Variants in NUP214 observed in about 807,000 individuals in gnomAD.
The protein encoded by NUP214 is nuclear pore complex protein Nup214.
NUP214 carries 79 observed loss-of-function variants against 196.2 expected under a neutral mutation model. The ratio of observed to expected loss-of-function variants is 0.40; its 90% CI spans 0.34 to 0.49. The LOEUF (loss-of-function observed/expected upper bound fraction) is 0.49. Among genes scored for constraint, NUP214 ranks in the 20% least tolerant of loss-of-function variants. The probability of loss-of-function intolerance (pLI) is 0.58; values close to 1 mark genes in which losing one functional copy is unlikely to be tolerated. For missense variants in NUP214, 2,468 were observed against 2,539.0 expected, an observed-to-expected ratio of 0.97 and a Z score of 0.60; for synonymous variants, 1,020 against 990.5, an observed-to-expected ratio of 1.03 and a Z score of -0.56.
chr9:131,174,511 C>T (rs942283273), intron 22 of NUP214, among the ~76,000 whole-genome samples, 193 bp downstream of exon 22: 8 of 130,968 alleles, frequency 6.1e-5, no homozygotes, highest in African/African-American at 1.1e-4. Flanking sequence ...TGTAATGGCG[C>T]GATCTAGGCT....
At chr9:131,194,982 C>T (rs1833733552) in intron 27 of NUP214, among the ~76,000 whole-genome samples, 1 of 152,222 alleles carries the variant, frequency 6.6e-6, no homozygotes, top group Non-Finnish European at 1.5e-5. Flanking sequence ...CTACAGAAAG[C>T]CCAGCCATCC....
At chr9:131,187,173 A>G in intron 24 of NUP214, 116 bp from the exon 25 acceptor site, 1 of 803,248 alleles carries the variant, frequency 1.2e-6, no homozygotes, top group South Asian at 1.6e-5. Context: ...GGTCCCATGC[A>G]TCTGTATCCT....
At chr9:131,168,458 A>G (rs749536740) in intron 21 of NUP214, among the ~76,000 whole-genome samples, 1 of 152,206 alleles carries the variant, frequency 6.6e-6, no homozygotes, top group Non-Finnish European at 1.5e-5. Context: ...ACCACATTTC[A>G]GTTCTAGAAC....
At chr9:131,229,279 CG>C (rs1407683234) in intron 33 of NUP214, 2 of 164,862 alleles carry the variant, frequency 1.2e-5, no homozygotes, top group African/African-American at 2.4e-5. Flanking sequence ...AGAGGGTTGG[CG>C]TGCTGCTTCT....
At chr9:131,153,984 AAAG>A (rs940187529) in intron 17 of NUP214, among the ~76,000 whole-genome samples, 14 of 152,216 alleles carry the variant, frequency 9.2e-5, no homozygotes, top group Non-Finnish European at 1.5e-4. Flanking sequence ...ATAGGCTTTA[AAAG>A]AAGAATTGTT....
chr9:131,190,630 T>C (rs1833571936), intron 26 of NUP214: 4 of 523,300 alleles, frequency 7.6e-6, no homozygotes, highest in Non-Finnish European at 1.3e-5. Context: ...TGGAAATACC[T>C]TCATTGTTTT....
chr9:131,223,727 A>ATTTATTTATTTATTTATTTTTTTATTTT, intron 32 of NUP214, among the ~76,000 whole-genome samples: 1 of 15,660 alleles, frequency 6.4e-5, no homozygotes, highest in African/African-American at 1.5e-4. Context: ...TTATTTATTT[A>ATTTATTTATTTATTTATTTTTTTATTTT]TTTTTTTTTT....
chr9:131,199,491 C>G (rs1408840033), intron 29 of NUP214, among the ~76,000 whole-genome samples: 1 of 152,220 alleles, frequency 6.6e-6, no homozygotes, highest in Non-Finnish European at 1.5e-5. Flanking sequence ...TCTGTCTCCT[C>G]TGACACCATC....
intron 32 of NUP214, among the ~76,000 whole-genome samples, chr9:131,225,898 G>A (rs1320602711): frequency 6.6e-6 from 1 of 152,196 alleles, no homozygotes; most frequent in Admixed American, 6.5e-5. Context: ...AGGTCATCCG[G>A]GGAGAGGACA....
chr9:131,133,164 T>C lies in NUP214; in HGVS notation c.786T>C (p.Asp262=). ...TCGCCATAGTGTATGCTGCTGCAGA[T>C]GGGACCCTGGAAACGTCTCCAGATG... The part of the protein sequence containing the change: ...YVFAIVYAAA[D]GTLETSPDVV... Residue 262 remains aspartate, a synonymous_variant, in exon 7 of 36, where the codon GAT becomes GAC. Coordinates refer to ENST00000359428, the MANE Select transcript of NUP214 (RefSeq NM_005085.4). The C allele has an allele frequency of 1.9e-6, 3 of 1,601,064 alleles. No individual in the cohort carries two copies. Among genetic ancestry groups the C allele is most frequent in the Non-Finnish European group, 2.6e-6 (3 of 1,176,026 alleles).
rs202147449 is a variant in NUP214, at chr9:131,159,432, A to G, written c.2486A>G (p.Asn829Ser). 12 of 1,614,204 alleles carry G rather than the reference A, an allele frequency of 7.4e-6. No individual in the cohort carries two copies. The highest frequency in any genetic ancestry group is 8.5e-6 in the Non-Finnish European group (10 of 1,180,034). The change falls in exon 18 of 36, where the codon AAT (asparagine) becomes AGT (serine). Residue 829 changes from asparagine (N) to serine (S), a missense_variant. This residue lies in a region of NUP214 where 1,801 missense variants were observed against 1,779.4 expected (regional missense o/e 1.01). Coordinates refer to ENST00000359428, the MANE Select transcript of NUP214 (RefSeq NM_005085.4). ...GTGAAATTTGCTGTCCAAGATGTGA[A>G]TGATGTTCTAGACTTGGAGTGGGAT... is the stretch of plus-strand genomic sequence containing the variant. ...QYVKFAVQDVNDVLDLEWDQH... is the reference protein window; with the variant it reads ...QYVKFAVQDVSDVLDLEWDQH...
chr9:131,134,800 C>T (rs1831667505), intron 7 of NUP214, 98 bp from the exon 8 acceptor site: 2 of 755,150 alleles, frequency 2.6e-6, no homozygotes, highest in Non-Finnish European at 4.4e-6. Flanking sequence ...TAAATATTCT[C>T]ATATAACTTT....
At chr9:131,160,068 G>A (rs926854816) in intron 18 of NUP214, among the ~76,000 whole-genome samples, 4 of 151,952 alleles carry the variant, frequency 2.6e-5, no homozygotes, top group Non-Finnish European at 5.9e-5. Context: ...AAATATGGTC[G>A]CTTTTTTTCT....
intron 11 of NUP214, among the ~76,000 whole-genome samples, chr9:131,143,129 C>G (rs1244695819): frequency 6.6e-6 from 1 of 152,128 alleles, no homozygotes; most frequent in Non-Finnish European, 1.5e-5. Flanking sequence ...ACCTCAGCCT[C>G]CCAAGTAGCT....
intron 23 of NUP214, among the ~76,000 whole-genome samples, chr9:131,176,555 C>G (rs988480258): frequency 3.3e-5 from 5 of 152,064 alleles, no homozygotes; most frequent in Admixed American, 2.0e-4. Context: ...TCTCAAACTC[C>G]TGGGCTCAAG....
Position 131,144,766 on chromosome 9 carries a change from C to T in NUP214, c.1769+12C>T, listed in dbSNP as rs766111648. 1 of 1,551,894 alleles carries T rather than the reference C, an allele frequency of 6.4e-7. No homozygotes were observed. The highest frequency in any genetic ancestry group is 2.2e-5 in the East Asian group (1 of 44,532). ...AACCTTAGTGAAAAGTAAGTCACTT[C>T]TAAAGTTTGATTCTTCTGTGAGTTG... On this transcript the variant is annotated intron_variant, in intron 12 of 35. Coordinates refer to ENST00000359428, the MANE Select transcript of NUP214 (RefSeq NM_005085.4).
intron 4 of NUP214, 117 bp from the exon 5 acceptor site, chr9:131,130,649 C>A (rs1394471884): frequency 2.1e-6 from 2 of 932,582 alleles, no homozygotes; most frequent in South Asian, 1.5e-5. Context: ...TAGAGATGAT[C>A]CTACAATCTT....
Position 131,125,647 on chromosome 9 carries a change from C to T in NUP214, c.-58C>T, listed in dbSNP as rs201218746. On this transcript the variant is annotated 5_prime_UTR_variant, in exon 1 of 36. Transcript: ENST00000359428. This position sits in a 1 kb window ranked among gnomAD's most constrained non-coding sequence, Gnocchi z 4.1. ...AGTTTGCTGTCGAGCGGCCTGGGTT[C>T]CGTGGGCAAGGCCGTGGGAGGCAGC... 32 of 1,542,862 alleles carry T rather than the reference C, an allele frequency of 2.1e-5. No homozygotes were observed. Among genetic ancestry groups the T allele is most frequent in the Non-Finnish European group, 2.6e-5 (30 of 1,142,804 alleles).
At chr9:131,130,665 G>A in intron 4 of NUP214, 101 bp from the exon 5 acceptor site, 1 of 1,091,726 alleles carries the variant, frequency 9.2e-7, no homozygotes. Context: ...ATCTTCCATG[G>A]ACTGACAGAG....
Sources: allele counts gnomAD v4.1 joint callset (sites outside exome capture counted in the v4.1 genomes callset), GRCh38; gene constraint gnomAD v4.1.1; regional missense constraint gnomAD v4.1.1; non-coding constraint Gnocchi (gnomAD v3.1); transcripts MANE v1.5; gene names NCBI Gene and HGNC (gene_info 2026-07-23, HGNC 2026-07-21).